Variants in BNIP3 observed in about 807,000 individuals in gnomAD.
BNIP3 encodes BCL2 interacting protein 3, also known as BCL2/adenovirus E1B 19 kDa protein-interacting protein 3.
BNIP3 carries 16 observed loss-of-function variants against 23.9 expected under a neutral mutation model. The ratio of observed to expected loss-of-function variants is 0.67; its 90% CI spans 0.45 to 1.01. The LOEUF (loss-of-function observed/expected upper bound fraction) is 1.01, where lower values mean the gene tolerates loss of function less well. Among genes scored for constraint, BNIP3 ranks in the 50% least tolerant of loss-of-function variants. BNIP3 has a pLI of 0.00. For missense variants in BNIP3, 198 were observed against 248.7 expected (o/e 0.80, Z 1.37); for synonymous variants, 81 against 89.3 (o/e 0.91, Z 0.53).
rs1299958219 is a variant in BNIP3, at chr10:131,973,022, C to CT, written c.282+11dup. On this transcript the variant is annotated intron_variant, in intron 3 of 5. Transcript: ENST00000368636. The stretch of plus-strand genomic sequence containing the variant: ...AATACTTTTACAACTGCACATTCTC[C>CT]TTCCAGCTTACCTGTGAGCTGTTTT... The CT allele has an allele frequency of 1.2e-6, 2 of 1,607,412 alleles. No individual in the cohort carries two copies. The highest frequency in any genetic ancestry group is 2.7e-5 in the African/African-American group (2 of 74,758).
chr10:131,971,081 G>T, intron 3 of BNIP3, 111 bp from the exon 4 acceptor site: 1 of 979,230 alleles, frequency 1.0e-6, no homozygotes, highest in Non-Finnish European at 1.5e-6. Context: ...GAGCCCAGAG[G>T]CACATGTCAG....
At chr10:131,972,913 A>G in intron 3 of BNIP3, 121 bp downstream of exon 3, 2 of 922,832 alleles carry the variant, frequency 2.2e-6, no homozygotes, top group Non-Finnish European at 3.2e-6. Flanking sequence ...TGTTTTTTTT[A>G]AAGCAGGAAA....
chr10:131,981,464 A>C, intron 1 of BNIP3: 2 of 409,714 alleles, frequency 4.9e-6, no homozygotes, highest in Non-Finnish European at 8.7e-6. Flanking sequence ...TCCAGGTGGA[A>C]TTCTAGCTCG....
At chr10:131,973,306 A>T in intron 2 of BNIP3, 188 bp from the exon 3 acceptor site, 1 of 587,686 alleles carries the variant, frequency 1.7e-6, no homozygotes, top group South Asian at 1.9e-5. Context: ...GCTGAGCACG[A>T]CAGGAGTGAG....
At position 131,970,863 on chromosome 10, in the gene BNIP3, C is replaced by G; in HGVS notation, c.389+1G>C. 6.2e-7 allele frequency: 1 copy of G among 1,614,250 alleles called. No homozygotes were observed. ...CCCCGTGACACTGAGAACACACTCA[C>G]TTGGGGGGAATATTTTCCGGCCGAC... On this transcript the variant is annotated splice_donor_variant, in intron 4 of 5. Coordinates refer to ENST00000368636, the MANE Select transcript of BNIP3 (RefSeq NM_004052.4). LOFTEE classifies it high-confidence loss of function. The surrounding 1 kb of genome is among the most constrained non-coding windows in gnomAD (Gnocchi z 4.1).
chr10:131,970,114 G>A lies in BNIP3; in HGVS notation c.539+524C>T, dbSNP rs979368967. On this transcript the variant is annotated intron_variant, in intron 5 of 5. Coordinates refer to ENST00000368636, the MANE Select transcript of BNIP3 (RefSeq NM_004052.4). This position sits in a 1 kb window ranked among gnomAD's most constrained non-coding sequence, Gnocchi z 4.1. ...GAGTCGCTTGAACCCAGGAGGCAGA[G>A]GCTGCAGTGAGCCGAGATCACGCCC... The A allele has an allele frequency of 1.9e-5, 3 of 154,160 alleles. No individual in the cohort carries two copies. Among genetic ancestry groups the A allele is most frequent in the African/African-American group, 7.2e-5 (3 of 41,474 alleles). The allele number at this position is 154,160 out of a possible 1,614,324, so 9.5% of individuals were successfully genotyped here.
chr10:131,968,398 G>C lies in BNIP3; in HGVS notation c.*126C>G. 5.3e-6 allele frequency: 4 copies of C among 753,166 alleles called. No individual in the cohort carries two copies. Among genetic ancestry groups the C allele is most frequent in the Non-Finnish European group, 8.8e-6 (4 of 453,528 alleles). 46.7% of individuals were successfully genotyped at this position (753,166 alleles called of 1,614,324 possible). A position where few individuals can be genotyped will look rare whatever the true frequency, so the allele number is the denominator to read the frequency against. On this transcript the variant is annotated 3_prime_UTR_variant, in exon 6 of 6. Transcript: ENST00000368636. The stretch of plus-strand genomic sequence containing the variant: ...TCTTTTATTTTACTAAATTAGGAAC[G>C]CAGCATTTACAGAACAAATAAACAC...
intron 1 of BNIP3, among the ~76,000 whole-genome samples, chr10:131,974,935 G>C (rs1189338453): frequency 6.6e-6 from 1 of 152,158 alleles, no homozygotes; most frequent in East Asian, 1.9e-4. Context: ...GCAATTCTGG[G>C]ATAATTCTGT....
intron 1 of BNIP3, among the ~76,000 whole-genome samples, chr10:131,977,785 G>T (rs975744567): frequency 1.4e-4 from 21 of 151,962 alleles, no homozygotes; most frequent in Admixed American, 7.2e-4. Flanking sequence ...CAGGAAACAA[G>T]GAAAAAAAAC....
intron 1 of BNIP3, 39 bp downstream of exon 1, chr10:131,981,722 C>G (rs1476430562): frequency 1.4e-6 from 2 of 1,454,836 alleles, no homozygotes; most frequent in Non-Finnish European, 1.8e-6. Flanking sequence ...GCTTCCCCCC[C>G]GCGCCCCCTC....
At chr10:131,972,114 G>A (rs1030511734) in intron 3 of BNIP3, among the ~76,000 whole-genome samples, 3 of 152,160 alleles carry the variant, frequency 2.0e-5, no homozygotes, top group Non-Finnish European at 4.4e-5. Context: ...TCACTGCCTC[G>A]AACCCTATCT....
rs2037058978 is a variant in BNIP3, at chr10:131,973,680, C to T, written c.197+113G>A. 6.1e-6 allele frequency: 9 copies of T among 1,472,370 alleles called. No homozygotes were observed. The South Asian group carries it at 6.4e-5, about 11-fold the overall frequency. 91.2% of individuals were successfully genotyped at this position (1,472,370 alleles called of 1,614,324 possible). A position where few individuals can be genotyped will look rare whatever the true frequency, so the allele number is the denominator to read the frequency against. ...GCAGGAGCCAGTCCAGAACGCGGCC[C>T]GAGGCGAACAGCAGCCCACTGTCCT... is the stretch of plus-strand genomic sequence containing the variant. On this transcript the variant is annotated intron_variant, in intron 2 of 5. Transcript: ENST00000368636.
At chr10:131,977,615 C>G (rs2037089923) in intron 1 of BNIP3, among the ~76,000 whole-genome samples, 1 of 152,200 alleles carries the variant, frequency 6.6e-6, no homozygotes, top group Non-Finnish European at 1.5e-5. Context: ...CTCCATCCAG[C>G]CCCTTAGAGC....
In BNIP3 at chr10:131,973,518, C is replaced by T. The variant is rs999355647; in HGVS notation, c.197+275G>A. On this transcript the variant is annotated intron_variant, in intron 2 of 5. Coordinates refer to ENST00000368636, the MANE Select transcript of BNIP3 (RefSeq NM_004052.4). ...CTGCGACCACAGCCCCGCTGAGGCG[C>T]GTGAGTGCGTTTCTCAGAGTGGGGT... 4 of 515,348 alleles carry T rather than the reference C, an allele frequency of 7.8e-6. No individual in the cohort carries two copies. In the Admixed American group the frequency reaches 1.3e-4, roughly 17 times the overall value. 31.9% of individuals were successfully genotyped at this position (515,348 alleles called of 1,614,324 possible). A position where few individuals can be genotyped will look rare whatever the true frequency, so the allele number is the denominator to read the frequency against.
At chr10:131,980,578 TAAAAAA>T (rs1364424165) in intron 1 of BNIP3, 1 of 131,660 alleles carries the variant, frequency 7.6e-6, no homozygotes, top group Non-Finnish European at 1.6e-5. Flanking sequence ...CCCCGTCTCT[TAAAAAA>T]AAAAAAAGGT....
rs1426431359 is a variant in BNIP3, at chr10:131,970,426, C to T, written c.539+212G>A. 25 of 655,410 alleles carry T rather than the reference C, an allele frequency of 3.8e-5. No individual in the cohort carries two copies. The East Asian group carries it at 6.4e-4, about 17-fold the overall frequency. The allele number at this position is 655,410 out of a possible 1,614,324, so 40.6% of individuals were successfully genotyped here. A position where few individuals can be genotyped will look rare whatever the true frequency, so the allele number is the denominator to read the frequency against. ...CAACAGGCAGACTCGTCAGGCCAGA[C>T]AGCAGCACCACAGGGCGCCTGTGCT... On this transcript the variant is annotated intron_variant, in intron 5 of 5. Transcript: ENST00000368636. The surrounding 1 kb of genome is among the most constrained non-coding windows in gnomAD (Gnocchi z 4.1).
In BNIP3 at chr10:131,976,646, T is replaced by C. The variant is rs9971362; in HGVS notation, c.47-2703A>G. Among the ~76,000 whole-genome samples, 43,149 of 151,342 alleles carry C rather than the reference T, an allele frequency of 0.29. 6,223 individuals carry two copies. The highest frequency in any genetic ancestry group is 0.45 in the East Asian group (2,285 of 5,126). ...CCAACCACACTCTCTGCAACCAGAC[T>C]CCCACTTACCCCACATGTCCCAACC... On this transcript the variant is annotated intron_variant, in intron 1 of 5. Transcript: ENST00000368636. The surrounding 1 kb of genome is among the most constrained non-coding windows in gnomAD (Gnocchi z 4.3).
Position 131,977,250 on chromosome 10 carries a change from CA to C in BNIP3, c.47-3308del, listed in dbSNP as rs568656187. On this transcript the variant is annotated intron_variant, in intron 1 of 5. Coordinates refer to ENST00000368636, the MANE Select transcript of BNIP3 (RefSeq NM_004052.4). ...TGCCACTGCCCCCCAGCCTGGGCAA[CA>C]ATAGCGAAACTCTGTGTCTCAAACA... Among the ~76,000 whole-genome samples the C allele has an allele frequency of 1.7e-3, 254 of 152,084 alleles. 1 individual carries two copies. Among genetic ancestry groups the C allele is most frequent in the African/African-American group, 5.8e-3 (242 of 41,476 alleles).
In BNIP3 at chr10:131,970,452, G is replaced by A. The variant is rs1033385604; in HGVS notation, c.539+186C>T. ...AGCAGCACCACAGGGCGCCTGTGCT[G>A]GGGCCTTTGGGGGCTGCAGGCTGGT... On this transcript the variant is annotated intron_variant, in intron 5 of 5. Transcript: ENST00000368636. This position sits in a 1 kb window ranked among gnomAD's most constrained non-coding sequence, Gnocchi z 4.1. 1 of 818,030 alleles carries A rather than the reference G, an allele frequency of 1.2e-6. No homozygotes were observed. Among genetic ancestry groups the A allele is most frequent in the African/African-American group, 1.7e-5 (1 of 57,788 alleles). The allele number at this position is 818,030 out of a possible 1,614,324, so 50.7% of individuals were successfully genotyped here. A position where few individuals can be genotyped will look rare whatever the true frequency, so the allele number is the denominator to read the frequency against.
Sources: allele counts gnomAD v4.1 joint callset (sites outside exome capture counted in the v4.1 genomes callset), GRCh38; gene constraint gnomAD v4.1.1; non-coding constraint Gnocchi (gnomAD v3.1); transcripts MANE v1.5; gene names NCBI Gene and HGNC (gene_info 2026-07-23, HGNC 2026-07-21).